PON3: variants seen among roughly 807,000 people sequenced by gnomAD.
PON3 encodes the protein serum paraoxonase/lactonase 3.
In PON3, 37 loss-of-function variants were observed where a neutral mutation model predicts 36.3. The observed-to-expected ratio is 1.02, with a 90% confidence interval of 0.78 to 1.34. PON3 has a LOEUF of 1.34. PON3 is among the 40% of genes most tolerant of loss of function. The pLI, the probability that PON3 is intolerant of heterozygous loss-of-function variation, is 0.00. For synonymous variants in PON3, 155 were observed against 154.8 expected (o/e 1.00, Z -0.01); for missense variants, 415 against 426.5 (o/e 0.97, Z 0.24).
intron 8 of PON3, among the ~76,000 whole-genome samples, 167 bp from the exon 9 acceptor site, chr7:95,360,298 T>C (rs1368225762): frequency 1.3e-5 from 2 of 152,040 alleles, no homozygotes; most frequent in Non-Finnish European, 2.9e-5. Flanking sequence ...ATGTCATAGA[T>C]ATCTATGCAC....
chr7:95,367,472 AAGATACAC>A lies in PON3; in HGVS notation c.376_383del (p.Val126LeufsTer16). The A allele has an allele frequency of 6.2e-7, 1 of 1,613,260 alleles. No homozygotes were observed. Among genetic ancestry groups the A allele is most frequent in the Non-Finnish European group, 8.5e-7 (1 of 1,179,466 alleles). Reference sequence around the variant, plus strand: ...TCATGTGGGGATGATTCACAACATAAAGATACACAGTATTGTCTACATGGAAAAAAGGG... The same window carrying A: ...TCATGTGGGGATGATTCACAACATAAAGTATTGTCTACATGGAAAAAAGGG... On this transcript the variant is annotated frameshift_variant, in exon 5 of 9. Coordinates refer to ENST00000265627, the MANE Select transcript of PON3 (RefSeq NM_000940.3). LOFTEE classifies it high-confidence loss of function.
chr7:95,389,465 A>G (rs567907826), intron 3 of PON3, among the ~76,000 whole-genome samples: 50 of 152,346 alleles, frequency 3.3e-4, no homozygotes, highest in Non-Finnish European at 5.4e-4. Context: ...TACTTTTTCA[A>G]AATCATATCC....
At chr7:95,387,572 A>G (rs1483743603) in intron 3 of PON3, among the ~76,000 whole-genome samples, 2 of 152,202 alleles carry the variant, frequency 1.3e-5, no homozygotes, top group African/African-American at 4.8e-5. Context: ...TAATTTATAG[A>G]TTCAGTGTCA....
chr7:95,367,477 A>C lies in PON3; in HGVS notation c.379T>G (p.Tyr127Asp), dbSNP rs752795208. 1 of 1,613,032 alleles carries C rather than the reference A, an allele frequency of 6.2e-7. No homozygotes were observed. ...TGGGGATGATTCACAACATAAAGATACACAGTATTGTCTACATGGAAAAAA... is the reference window on the plus strand; with the variant it reads ...TGGGGATGATTCACAACATAAAGATCCACAGTATTGTCTACATGGAAAAAA... ...SIFIDKDNTV[Y>D]LYVVNHPHMK... Residue 127 changes from tyrosine to aspartate, a missense_variant, in exon 5 of 9, where the codon TAT becomes GAT. Tyr to Asp is a radical substitution (Grantham distance 160). Coordinates refer to ENST00000265627, the MANE Select transcript of PON3 (RefSeq NM_000940.3).
chr7:95,385,703 A>AATT (rs1809174293), intron 3 of PON3, among the ~76,000 whole-genome samples: 1 of 151,988 alleles, frequency 6.6e-6, no homozygotes, highest in Non-Finnish European at 1.5e-5. Flanking sequence ...AAAGAACAGA[A>AATT]ATCACAAACT....
intron 3 of PON3, among the ~76,000 whole-genome samples, chr7:95,385,990 C>T (rs1809181126): frequency 6.6e-6 from 1 of 151,862 alleles, no homozygotes; most frequent in African/African-American, 2.4e-5. Flanking sequence ...ACACCTAGCC[C>T]ATTTACATTT....
In PON3 at chr7:95,390,355, T is replaced by C. The variant is rs1479579172; in HGVS notation, c.146-146A>G. ...ATTTACTTGGGAAACCATATTAACT[T>C]TGGAGAATCTCACAGGCATGCTACT... On this transcript the variant is annotated intron_variant, in intron 2 of 8. Coordinates refer to ENST00000265627, the MANE Select transcript of PON3 (RefSeq NM_000940.3). 2.1e-5 allele frequency: 16 copies of C among 762,530 alleles called. No homozygotes were observed. The East Asian group carries it at 2.3e-4, about 11-fold the overall frequency. The allele number at this position is 762,530 out of a possible 1,614,324, so 47.2% of individuals were successfully genotyped here.
At position 95,390,155 on chromosome 7, in the gene PON3, C is replaced by A. The variant is rs971058123; in HGVS notation, c.200G>T (p.Ser67Ile). ...ILPSGLAFISSGLKYPGMPNF... is the reference protein window; with the variant it reads ...ILPSGLAFISIGLKYPGMPNF... ...GAGAGCAGCATGGAAAATACTCACA[C>A]TGGAGATAAAAGCCAGCCCACTAGG... The change falls in exon 3 of 9, where the codon AGT becomes ATT. Residue 67 changes from serine to isoleucine, a missense_variant and splice_region_variant. Physicochemically the swap from Ser to Ile is moderately radical, Grantham distance 142 (BLOSUM62 -2). Transcript: ENST00000265627. 3.7e-6 allele frequency: 6 copies of A among 1,604,806 alleles called. No homozygotes were observed. The African/African-American group carries it at 5.4e-5, about 14-fold the overall frequency.
Position 95,396,264 on chromosome 7 carries a change from A to G in PON3, c.74+13T>C, listed in dbSNP as rs1446030478. ...AAAGAGAGTCGAAGACGCCCTGTCA[A>G]GATGCCACTCACCTAAACGCCAGGA... On this transcript the variant is annotated intron_variant, in intron 1 of 8. Coordinates refer to ENST00000265627, the MANE Select transcript of PON3 (RefSeq NM_000940.3). The G allele has an allele frequency of 6.2e-7, 1 of 1,613,690 alleles. No individual in the cohort carries two copies. The highest frequency in any genetic ancestry group is 1.3e-5 in the African/African-American group (1 of 74,874).
intron 3 of PON3, among the ~76,000 whole-genome samples, chr7:95,381,088 T>C (rs1477866330): frequency 1.3e-5 from 2 of 152,194 alleles, no homozygotes; most frequent in Non-Finnish European, 2.9e-5. Flanking sequence ...CAGAATTTCA[T>C]ATCCAGCCAA....
chr7:95,395,389 C>T (rs574136453), intron 1 of PON3, among the ~76,000 whole-genome samples: 3 of 152,158 alleles, frequency 2.0e-5, no homozygotes, highest in African/African-American at 7.2e-5. Flanking sequence ...ATCTTACAGT[C>T]ATTTATTTAA....
At chr7:95,376,336 C>T (rs926586520) in intron 3 of PON3, among the ~76,000 whole-genome samples, 1 of 152,158 alleles carries the variant, frequency 6.6e-6, no homozygotes, top group Non-Finnish European at 1.5e-5. Context: ...TTTGTCATCC[C>T]TAAATAGACT....
At chr7:95,371,168 T>C (rs552967318) in intron 4 of PON3, among the ~76,000 whole-genome samples, 1 of 152,304 alleles carries the variant, frequency 6.6e-6, no homozygotes, top group South Asian at 2.1e-4. Context: ...ATTGTATAAA[T>C]ACCTATCACA....
intron 7 of PON3, 123 bp from the exon 8 acceptor site, chr7:95,362,613 GC>G (rs1474405977): frequency 6.8e-7 from 1 of 1,474,648 alleles, no homozygotes; most frequent in African/African-American, 1.4e-5. Flanking sequence ...AGGGGGCTTT[GC>G]TTCTGTATTT....
At chr7:95,392,328 C>G (rs1458579376) in intron 2 of PON3, among the ~76,000 whole-genome samples, 1 of 152,130 alleles carries the variant, frequency 6.6e-6, no homozygotes, top group South Asian at 2.1e-4. Flanking sequence ...AAATATTTGG[C>G]AAATCAGAAC....
intron 3 of PON3, among the ~76,000 whole-genome samples, chr7:95,372,889 A>G (rs1808840575): frequency 1.3e-5 from 2 of 152,174 alleles, no homozygotes. Flanking sequence ...TTTTTGACCT[A>G]TTTTGTTCCT....
chr7:95,361,959 TTTGAGGCGA>T (rs1247910327), intron 8 of PON3, among the ~76,000 whole-genome samples: 2 of 152,144 alleles, frequency 1.3e-5, no homozygotes, highest in African/African-American at 4.8e-5. Context: ...CTCATTTTAT[TTTGAGGCGA>T]CAGTTATTTA....
At chr7:95,374,855 A>G (rs978903) in intron 3 of PON3, among the ~76,000 whole-genome samples, 82,198 of 151,690 alleles carry the variant, frequency 0.54, 22,800 homozygotes, top group East Asian at 0.78. Context: ...TTGGATTTAT[A>G]CCTCCTTCTG....
Position 95,364,018 on chromosome 7 carries a change from G to T in PON3, c.540C>A (p.Thr180=). 6.2e-7 allele frequency: 1 copy of T among 1,613,832 alleles called. No individual in the cohort carries two copies. Among genetic ancestry groups the T allele is most frequent in the Non-Finnish European group, 8.5e-7 (1 of 1,179,808 alleles). Reference sequence around the variant, plus strand: ...GGGAGTTGGTAAAATAGTGGTCTCTGGTGGCATAGAACTGTTCTGGTCCAA... The same window carrying T: ...GGGAGTTGGTAAAATAGTGGTCTCTTGTGGCATAGAACTGTTCTGGTCCAA... ...VVLGPEQFYA[T]RDHYFTNSLL... The change falls in exon 6 of 9, where the codon ACC becomes ACA. Residue 180 remains threonine (T), a synonymous_variant. Coordinates refer to ENST00000265627, the MANE Select transcript of PON3 (RefSeq NM_000940.3).
Sources: gnomAD v4.1 joint callset for allele counts (sites outside exome capture counted in the v4.1 genomes callset) on GRCh38, gnomAD v4.1.1 for gene constraint, MANE v1.5 for transcripts, NCBI Gene and HGNC (gene_info 2026-07-23, HGNC 2026-07-21) for gene names.